Variants in SEMA6D observed in about 807,000 individuals in gnomAD.
SEMA6D encodes the protein semaphorin 6D.
Under a neutral mutation model 106.6 loss-of-function variants are expected in SEMA6D, and 35 were observed. The ratio of observed to expected loss-of-function variants is 0.33; its 90% CI spans 0.25 to 0.44. The LOEUF (loss-of-function observed/expected upper bound fraction) is 0.44, where lower values mean the gene tolerates loss of function less well. Ranked by LOEUF, SEMA6D falls within the 20% of genes least tolerant of loss-of-function variation. The pLI is 1.00. For synonymous variants in SEMA6D, 499 were observed against 487.7 expected (o/e 1.02, Z -0.31); for missense variants, 1,185 against 1,345.9 (o/e 0.88, Z 1.87).
intron 1 of SEMA6D, among the ~76,000 whole-genome samples, chr15:47,406,425 T>C (rs2040570687): frequency 6.6e-6 from 1 of 152,184 alleles, no homozygotes; most frequent in Non-Finnish European, 1.5e-5. Flanking sequence ...GAGTAGTGTT[T>C]TCTGAGAATT....
At chr15:47,298,002 C>T (rs2035871405) in intron 1 of SEMA6D, among the ~76,000 whole-genome samples, 1 of 152,106 alleles carries the variant, frequency 6.6e-6, no homozygotes, top group Non-Finnish European at 1.5e-5. Flanking sequence ...CATTCTGATC[C>T]TTATAGCCTG....
intron 3 of SEMA6D, among the ~76,000 whole-genome samples, chr15:47,526,930 G>A (rs2044778875): frequency 1.3e-5 from 2 of 152,106 alleles, no homozygotes; most frequent in African/African-American, 4.8e-5. Flanking sequence ...GTAGAGATGG[G>A]GTTTCACTAT....
intron 3 of SEMA6D, among the ~76,000 whole-genome samples, chr15:47,542,284 T>C (rs1462094113): frequency 6.6e-6 from 1 of 152,222 alleles, no homozygotes; most frequent in Admixed American, 6.6e-5. Flanking sequence ...GATTAAAAGC[T>C]AAGCCTGAGG....
intron 1 of SEMA6D, among the ~76,000 whole-genome samples, chr15:47,203,807 A>C (rs1894874601): frequency 6.6e-6 from 1 of 152,220 alleles, no homozygotes; most frequent in African/African-American, 2.4e-5. Flanking sequence ...GAATGAATCT[A>C]ATTGTTTTGT....
intron 4 of SEMA6D, among the ~76,000 whole-genome samples, chr15:47,660,701 T>G (rs2145180033): frequency 6.6e-6 from 1 of 152,320 alleles, no homozygotes; most frequent in African/African-American, 2.4e-5. Context: ...CTAGTTTATT[T>G]TAAAACTATT....
intron 2 of SEMA6D, among the ~76,000 whole-genome samples, chr15:47,459,958 C>T (rs2042454148): frequency 1.3e-5 from 2 of 151,990 alleles, no homozygotes; most frequent in African/African-American, 4.8e-5. Context: ...TCCACTAACT[C>T]CTCCATTGAC....
chr15:47,532,105 T>C (rs1021656232), intron 3 of SEMA6D, among the ~76,000 whole-genome samples: 18 of 152,186 alleles, frequency 1.2e-4, no homozygotes, highest in African/African-American at 4.3e-4. Flanking sequence ...TGGAGAACAT[T>C]CTCAAGCCTC....
chr15:47,698,167 AT>A lies in SEMA6D; in HGVS notation c.-54-61572del, dbSNP rs150552503. On this transcript the variant is annotated intron_variant, in intron 4 of 19. Coordinates refer to the SEMA6D transcript ENST00000558014. ...TAGGGAGATCCCTTTGAGATTACATATTTTTTCATTATCCAAAAATAACACT... is the reference window on the plus strand; with the variant it reads ...TAGGGAGATCCCTTTGAGATTACATATTTTTCATTATCCAAAAATAACACT... 8.4e-3 allele frequency among the ~76,000 whole-genome samples: 1,274 copies of A among 152,204 alleles called. 14 individuals are homozygous for A. Among genetic ancestry groups the A allele is most frequent in the African/African-American group, 0.025 (1,038 of 41,526 alleles).
At chr15:47,745,895 A>G (rs1346267268) in intron 1 of SEMA6D, among the ~76,000 whole-genome samples, 3 of 152,238 alleles carry the variant, frequency 2.0e-5, no homozygotes, top group Non-Finnish European at 4.4e-5. Context: ...AACTCACAGG[A>G]AGTTGTAATA....
intron 1 of SEMA6D, among the ~76,000 whole-genome samples, chr15:47,295,063 T>C (rs900116430): frequency 4.6e-5 from 7 of 152,150 alleles, no homozygotes; most frequent in Non-Finnish European, 1.0e-4. Flanking sequence ...AGAAAGACAA[T>C]AGGCCGGCAA....
intron 3 of SEMA6D, 53 bp from the exon 4 acceptor site, chr15:47,760,924 GC>G (rs1303889877): frequency 4.1e-6 from 6 of 1,475,296 alleles, no homozygotes; most frequent in Non-Finnish European, 5.6e-6. Flanking sequence ...AAAGGAAGCA[GC>G]TTAACATTTT....
intron 3 of SEMA6D, among the ~76,000 whole-genome samples, chr15:47,533,136 A>G (rs1175986817): frequency 1.3e-5 from 2 of 152,226 alleles, no homozygotes; most frequent in African/African-American, 2.4e-5. Context: ...TTTGGTGCCT[A>G]AAGTTTTTAT....
intron 1 of SEMA6D, among the ~76,000 whole-genome samples, chr15:47,744,340 G>A (rs576894317): frequency 3.1e-4 from 47 of 152,146 alleles, no homozygotes; most frequent in Non-Finnish European, 6.3e-4. Context: ...ACACACAGAA[G>A]TTTATTAAAT....
chr15:47,761,850 C>A, intron 7 of SEMA6D, 99 bp downstream of exon 7: 1 of 1,027,538 alleles, frequency 9.7e-7, no homozygotes, highest in Non-Finnish European at 1.4e-6. Context: ...GGATACCCAC[C>A]TTGATCTAAG....
chr15:47,207,603 G>T (rs1457322652), intron 1 of SEMA6D, among the ~76,000 whole-genome samples: 1 of 152,150 alleles, frequency 6.6e-6, no homozygotes, highest in Non-Finnish European at 1.5e-5. Context: ...TTCATGGTTT[G>T]AGAAGAGGAT....
intron 1 of SEMA6D, among the ~76,000 whole-genome samples, chr15:47,239,218 A>G (rs1446035433): frequency 1.3e-5 from 2 of 152,196 alleles, no homozygotes; most frequent in Non-Finnish European, 2.9e-5. Flanking sequence ...CTAATGCCTG[A>G]TGATCTGTCA....
At chr15:47,319,645 C>T (rs1197190559) in intron 1 of SEMA6D, among the ~76,000 whole-genome samples, 1 of 152,114 alleles carries the variant, frequency 6.6e-6, no homozygotes, top group African/African-American at 2.4e-5. Context: ...GATAAAACCC[C>T]AGCAGGTTAG....
At chr15:47,587,179 G>A (rs971473108) in intron 3 of SEMA6D, among the ~76,000 whole-genome samples, 1 of 152,064 alleles carries the variant, frequency 6.6e-6, no homozygotes, top group Non-Finnish European at 1.5e-5. Flanking sequence ...AAGGAGGCAG[G>A]CTGGCTGGGA....
intron 4 of SEMA6D, among the ~76,000 whole-genome samples, chr15:47,695,481 G>A (rs997575825): frequency 1.3e-5 from 2 of 151,798 alleles, no homozygotes; most frequent in Non-Finnish European, 2.9e-5. Context: ...CCTCTACATA[G>A]GAAAGAGGGA....
Sources: gnomAD v4.1 joint callset for allele counts (sites outside exome capture counted in the v4.1 genomes callset) on GRCh38, gnomAD v4.1.1 for gene constraint, MANE v1.5 for transcripts, NCBI Gene and HGNC (gene_info 2026-07-23, HGNC 2026-07-21) for gene names.